The following DENND1B variants were observed in gnomAD, a reference collection of about 807,000 sequenced individuals.
DENND1B encodes the protein DENN domain containing 1B.
In DENND1B, 59 loss-of-function variants were observed where a neutral mutation model predicts 90.1. The ratio of observed to expected loss-of-function variants is 0.65; its 90% CI spans 0.53 to 0.81. DENND1B has a LOEUF of 0.81. Ranked by LOEUF, DENND1B falls within the 40% of genes least tolerant of loss-of-function variation. DENND1B has a pLI of 0.00. For synonymous variants in DENND1B, 337 were observed against 324.6 expected (o/e 1.04, Z -0.41); for missense variants, 862 against 912.6 (o/e 0.94, Z 0.71).
chr1:197,510,895 A>G lies in DENND1B; in HGVS notation c.1893T>C (p.Leu631=), dbSNP rs1184012625. The change falls in exon 23 of 23, where the codon CTT becomes CTC. Residue 631 remains leucine, a synonymous_variant. Transcript: ENST00000620048. ...GGSGDQAEWN[L]GQDDSALHGK... ...CATGGAGGGCACTATCGTCTTGCCC[A>G]AGATTCCACTCTGCTTGGTCACCAG... The G allele has an allele frequency of 6.2e-7, 1 of 1,604,432 alleles. No homozygotes were observed.
intron 10 of DENND1B, among the ~76,000 whole-genome samples, chr1:197,626,629 G>A (rs540706937): frequency 6.6e-6 from 1 of 152,074 alleles, no homozygotes; most frequent in African/African-American, 2.4e-5. Context: ...AGAAGAGCAA[G>A]AGCAAACACA....
chr1:197,647,826 T>C (rs1163080075), intron 7 of DENND1B, among the ~76,000 whole-genome samples: 1 of 151,386 alleles, frequency 6.6e-6, no homozygotes, highest in African/African-American at 2.4e-5. Flanking sequence ...TGGGCGCCTG[T>C]AATTCCAGCT....
chr1:197,596,142 A>AG (rs1441646712), intron 13 of DENND1B, among the ~76,000 whole-genome samples: 1 of 152,094 alleles, frequency 6.6e-6, no homozygotes, highest in Admixed American at 6.6e-5. Flanking sequence ...TTCAAATCAA[A>AG]GAAAAACTTA....
intron 20 of DENND1B, among the ~76,000 whole-genome samples, chr1:197,526,704 C>T (rs1267614439): frequency 6.6e-6 from 1 of 152,046 alleles, no homozygotes; most frequent in East Asian, 1.9e-4. Context: ...AAAAGATTAT[C>T]TTCCATTATA....
intron 5 of DENND1B, among the ~76,000 whole-genome samples, chr1:197,664,021 A>G (rs1051292488): frequency 6.6e-6 from 1 of 151,902 alleles, no homozygotes; most frequent in Non-Finnish European, 1.5e-5. Flanking sequence ...ACACACACAC[A>G]CACACACAGA....
chr1:197,512,015 GTTACA>G lies in DENND1B; in HGVS notation c.1599-76_1599-72del, dbSNP rs1304874145. ...GCTGCATGTAAGTAATCTCTCACCA[GTTACA>G]TTACATTAATGAGAGAGTTAACAAC... On this transcript the variant is annotated intron_variant, in intron 21 of 22. Transcript: ENST00000620048. 21 of 1,132,952 alleles carry G rather than the reference GTTACA, an allele frequency of 1.9e-5. No homozygotes were observed. The South Asian group carries it at 2.0e-4, about 11-fold the overall frequency. The allele number at this position is 1,132,952 out of a possible 1,614,324, so 70.2% of individuals were successfully genotyped here.
intron 20 of DENND1B, among the ~76,000 whole-genome samples, chr1:197,526,560 C>G (rs1182179421): frequency 6.6e-6 from 1 of 151,952 alleles, no homozygotes; most frequent in East Asian, 1.9e-4. Flanking sequence ...AAATTGAGTA[C>G]CTTTGTTTTT....
chr1:197,694,243 GT>G (rs1486862873), intron 3 of DENND1B, among the ~76,000 whole-genome samples: 1 of 150,960 alleles, frequency 6.6e-6, no homozygotes, highest in African/African-American at 2.4e-5. Flanking sequence ...TCCCCTAAAA[GT>G]CATTTTAAAG....
At chr1:197,747,829 C>A (rs1652900584) in intron 2 of DENND1B, among the ~76,000 whole-genome samples, 1 of 152,160 alleles carries the variant, frequency 6.6e-6, no homozygotes. Flanking sequence ...GCATTCACAC[C>A]CCACTCCTGT....
At chr1:197,560,355 G>A (rs1021926289) in intron 15 of DENND1B, among the ~76,000 whole-genome samples, 1 of 151,880 alleles carries the variant, frequency 6.6e-6, no homozygotes, top group African/African-American at 2.4e-5. Flanking sequence ...AACATGTAGC[G>A]GAGGTAGGGG....
chr1:197,706,160 A>G (rs1344918389), intron 3 of DENND1B, among the ~76,000 whole-genome samples: 2 of 152,214 alleles, frequency 1.3e-5, no homozygotes, highest in Non-Finnish European at 2.9e-5. Flanking sequence ...GACTTAAATT[A>G]TAGCTAAGTT....
chr1:197,747,282 T>G, intron 2 of DENND1B: 1 of 615,978 alleles, frequency 1.6e-6, no homozygotes, highest in Non-Finnish European at 3.0e-6. Flanking sequence ...TCGACTCTGT[T>G]TCAGTTTTGG....
chr1:197,518,561 G>A (rs1408956482), intron 20 of DENND1B, among the ~76,000 whole-genome samples: 1 of 151,886 alleles, frequency 6.6e-6, no homozygotes, highest in Non-Finnish European at 1.5e-5. Context: ...ATGGTGGCAA[G>A]TTTTCTTGGG....
Position 197,616,064 on chromosome 1 carries a change from C to T in DENND1B, c.773+1595G>A, listed in dbSNP as rs1316233080. 2.6e-5 allele frequency among the ~76,000 whole-genome samples: 4 copies of T among 150,974 alleles called. No homozygotes were observed. The South Asian group carries it at 6.2e-4, about 24-fold the overall frequency. ...AAAGTCTTAAATGTGTAATTCATTA[C>T]AGATAATTGAACTTAATTAAAGGTG... On this transcript the variant is annotated intron_variant, in intron 11 of 22. Transcript: ENST00000620048.
rs918993129 is a variant in DENND1B at position 197,734,128 on chromosome 1, A to G, written c.83-19054T>C. On this transcript the variant is annotated intron_variant, in intron 2 of 22. Coordinates refer to ENST00000620048, the MANE Select transcript of DENND1B (RefSeq NM_001195215.2). ...ATGCAGAAGTCAAAATAAAACTGTC[A>G]TATCTTTTCATATTCCTGAATAAGT... 8.5e-6 allele frequency: 8 copies of G among 936,336 alleles called. No homozygotes were observed. In the South Asian group the frequency reaches 3.0e-4, roughly 35 times the overall value. 58.0% of individuals were successfully genotyped at this position (936,336 alleles called of 1,614,324 possible). A position where few individuals can be genotyped will look rare whatever the true frequency, so the allele number is the denominator to read the frequency against.
At chr1:197,534,601 G>C (rs1669745120) in intron 20 of DENND1B, among the ~76,000 whole-genome samples, 1 of 152,130 alleles carries the variant, frequency 6.6e-6, no homozygotes. Flanking sequence ...CAGGGAATAG[G>C]CCTTAACAGC....
At chr1:197,578,095 G>A (rs1227003338) in intron 15 of DENND1B, among the ~76,000 whole-genome samples, 13 of 152,164 alleles carry the variant, frequency 8.5e-5, no homozygotes, top group East Asian at 3.9e-4. Flanking sequence ...CAGGGGAGGG[G>A]AAGATTTTGA....
chr1:197,562,478 T>G lies in DENND1B; in HGVS notation c.1150-9366A>C, dbSNP rs533509266. 2.6e-5 allele frequency among the ~76,000 whole-genome samples: 4 copies of G among 151,972 alleles called. No homozygotes were observed. In the East Asian group the frequency reaches 7.8e-4, roughly 29 times the overall value. On this transcript the variant is annotated intron_variant, in intron 15 of 22. Coordinates refer to ENST00000620048, the MANE Select transcript of DENND1B (RefSeq NM_001195215.2). ...TCATATTAGAATTACAGGATTATAT[T>G]ATATGATTATAGTTGTTATGGTGAT...
chr1:197,507,378 GT>G lies in DENND1B; in HGVS notation c.*3081del, dbSNP rs1667779287. 1 of 151,148 alleles carries G rather than the reference GT, an allele frequency of 6.6e-6. No homozygotes were observed. 9.4% of individuals were successfully genotyped at this position (151,148 alleles called of 1,614,324 possible). ...TTAACTGAAAAAATAATCATGCTAT[GT>G]TTTGGTGCTTTTCTAAGACACATTA... On this transcript the variant is annotated 3_prime_UTR_variant, in exon 23 of 23. Transcript: ENST00000620048.
Sources: allele counts gnomAD v4.1 joint callset (sites outside exome capture counted in the v4.1 genomes callset), GRCh38; gene constraint gnomAD v4.1.1; transcripts MANE v1.5; gene names NCBI Gene and HGNC (gene_info 2026-07-23, HGNC 2026-07-21).